The following YTHDF2 variants were observed in gnomAD, a reference collection of about 807,000 sequenced individuals.
The protein encoded by YTHDF2 is YTH N6-methyladenosine RNA binding protein F2, also known as YTH domain-containing family protein 2.
Under a neutral mutation model 50.4 loss-of-function variants are expected in YTHDF2, and 2 were observed. That is an observed-to-expected ratio of 0.04 (90% CI 0.02 to 0.12). The LOEUF (loss-of-function observed/expected upper bound fraction) is 0.12. Ranked by LOEUF, YTHDF2 falls within the 10% of genes least tolerant of loss-of-function variation. The probability of loss-of-function intolerance (pLI) is 1.00; values close to 1 mark genes in which losing one functional copy is unlikely to be tolerated. For synonymous variants in YTHDF2, 217 were observed against 255.6 expected (o/e 0.85, Z 1.44); for missense variants, 483 against 722.6 (o/e 0.67, Z 3.80).
At position 28,742,910 on chromosome 1, in the gene YTHDF2, G is replaced by A. The variant is rs771751643; in HGVS notation, c.640G>A (p.Gly214Arg). The change falls in exon 4 of 5, where the codon GGG becomes AGG. Residue 214 changes from glycine to arginine, a missense_variant. Transcript: ENST00000373812. Reference protein sequence around the residue: ...PKVVGSAVGSGSITSNIVASN... With the variant: ...PKVVGSAVGSRSITSNIVASN... ...AGTTGTAGGTTCTGCTGTTGGTAGC[G>A]GGTCCATTACTAGTAACATCGTGGC... 17 of 1,614,106 alleles carry A rather than the reference G, an allele frequency of 1.1e-5. No individual in the cohort carries two copies. Among genetic ancestry groups the A allele is most frequent in the East Asian group, 2.2e-5 (1 of 44,894 alleles).
At chr1:28,761,131 ATTTT>A (rs56876999) in intron 4 of YTHDF2, among the ~76,000 whole-genome samples, 41 of 91,412 alleles carry the variant, frequency 4.5e-4, no homozygotes, top group Non-Finnish European at 5.8e-4. Context: ...GTGTGTGTGT[ATTTT>A]TTTTTTTTTT....
intron 4 of YTHDF2, among the ~76,000 whole-genome samples, chr1:28,755,144 TGAGAG>T (rs2088018059): frequency 6.6e-6 from 1 of 152,044 alleles, no homozygotes; most frequent in Non-Finnish European, 1.5e-5. Context: ...TTAAAGATGA[TGAGAG>T]GAGCAGCAGT....
rs775578933 is a variant in YTHDF2, at chr1:28,743,312, C to G, written c.1042C>G (p.Pro348Ala). Residue 348 changes from proline to alanine, a missense_variant, in exon 4 of 5, where the codon CCA becomes GCA. Transcript: ENST00000373812. This position sits in a 1 kb window ranked among gnomAD's most constrained non-coding sequence, Gnocchi z 6.9. The part of the protein sequence containing the change: ...QLSVQQQAAQ[P>A]TRWVAPRNRG... ...TTCAGTCCAGCAACAGGCAGCTCAG[C>G]CAACCCGCTGGGTAGCACCTCGGAA... 6.2e-7 allele frequency: 1 copy of G among 1,614,040 alleles called. No homozygotes were observed. Among genetic ancestry groups the G allele is most frequent in the African/African-American group, 1.3e-5 (1 of 74,904 alleles).
intron 3 of YTHDF2, among the ~76,000 whole-genome samples, chr1:28,739,383 C>T (rs1421785187): frequency 6.7e-6 from 1 of 149,604 alleles, no homozygotes; most frequent in East Asian, 2.0e-4. Flanking sequence ...GGTGCAATCT[C>T]GGCTCACTGC....
intron 4 of YTHDF2, among the ~76,000 whole-genome samples, chr1:28,750,513 AAG>A (rs1437721829): frequency 2.0e-5 from 3 of 152,204 alleles, no homozygotes; most frequent in Admixed American, 6.5e-5. Flanking sequence ...CAAGGGATAA[AAG>A]AGGATTAGCT....
chr1:28,763,191 G>A (rs985538511), intron 4 of YTHDF2, among the ~76,000 whole-genome samples: 1 of 152,176 alleles, frequency 6.6e-6, no homozygotes, highest in Non-Finnish European at 1.5e-5. Context: ...GGTGGATAGA[G>A]ATGTCGACAT....
At chr1:28,755,454 A>T (rs2088023576) in intron 4 of YTHDF2, among the ~76,000 whole-genome samples, 2 of 152,086 alleles carry the variant, frequency 1.3e-5, no homozygotes, top group African/African-American at 2.4e-5. Flanking sequence ...CTTGTGAGGT[A>T]GGTATAAGTA....
intron 4 of YTHDF2, among the ~76,000 whole-genome samples, chr1:28,744,595 A>AT (rs2124171602): frequency 6.6e-6 from 1 of 152,322 alleles, no homozygotes; most frequent in East Asian, 1.9e-4. Context: ...CTCTGTGAGT[A>AT]TTGAGTGAAT....
intron 4 of YTHDF2, 143 bp from the exon 5 acceptor site, chr1:28,768,786 G>A (rs2088259381): frequency 1.7e-6 from 1 of 589,824 alleles, no homozygotes; most frequent in Non-Finnish European, 2.7e-6. Flanking sequence ...TTTTCTTTGT[G>A]GGGAATGTTC....
chr1:28,743,627 G>A lies in YTHDF2; in HGVS notation c.1357G>A (p.Gly453Ser), dbSNP rs1475669681. 30 of 1,614,152 alleles carry A rather than the reference G, an allele frequency of 1.9e-5. No homozygotes were observed. Among genetic ancestry groups the A allele is most frequent in the Non-Finnish European group, 2.3e-5 (27 of 1,180,018 alleles). The change falls in exon 4 of 5, where the codon GGC (glycine) becomes AGC (serine). Residue 453 changes from glycine to serine, a missense_variant. Around this residue, in one of 4 missense-constraint regions of YTHDF2, gnomAD observed 59 missense variants for 168.9 expected, o/e 0.35. Coordinates refer to ENST00000373812, the MANE Select transcript of YTHDF2 (RefSeq NM_016258.3). This position sits in a 1 kb window ranked among gnomAD's most constrained non-coding sequence, Gnocchi z 6.9. ...TGCTTATCGTTCCATGAACGGGAAA[G>A]GCCCCGTTTACTTACTTTTCAGTGT... ...DAAYRSMNGK[G>S]PVYLLFSVNG...
intron 4 of YTHDF2, among the ~76,000 whole-genome samples, chr1:28,751,109 A>AAAAAAAAAAAAAAG (rs2087945851): frequency 6.8e-6 from 1 of 146,768 alleles, no homozygotes; most frequent in Non-Finnish European, 1.5e-5. Flanking sequence ...AAAAAAAAAA[A>AAAAAAAAAAAAAAG]AGGCTGGGCG....
intron 4 of YTHDF2, among the ~76,000 whole-genome samples, chr1:28,763,783 G>T (rs146267370): frequency 2.0e-5 from 3 of 149,612 alleles, no homozygotes; most frequent in Non-Finnish European, 4.4e-5. Flanking sequence ...GATTATGGGC[G>T]TGAGCCACTG....
chr1:28,756,665 T>C (rs1416104825), intron 4 of YTHDF2, among the ~76,000 whole-genome samples: 1 of 152,026 alleles, frequency 6.6e-6, no homozygotes, highest in Non-Finnish European at 1.5e-5. Flanking sequence ...GGGAGAAGTA[T>C]GAGGATTCAG....
intron 4 of YTHDF2, among the ~76,000 whole-genome samples, chr1:28,748,444 AAAG>A (rs560257479): frequency 2.3e-3 from 357 of 152,320 alleles, no homozygotes; most frequent in African/African-American, 8.4e-3. Flanking sequence ...GTAACCCCAT[AAAG>A]AAGTAGGGAA....
intron 4 of YTHDF2, among the ~76,000 whole-genome samples, chr1:28,756,134 C>G (rs143414384): frequency 3.0e-3 from 458 of 152,310 alleles, no homozygotes; most frequent in Non-Finnish European, 3.1e-3. Flanking sequence ...CTTTCAACCT[C>G]TGTTCCAAGC....
At position 28,768,922 on chromosome 1, in the gene YTHDF2, T is replaced by G. The variant is rs777491049; in HGVS notation, c.1717-7T>G. ...TAACCATTTCAATTTTTTTCTTACC[T>G]CTGTAGGAACGTCAAGGTCGTGGGA... On this transcript the variant is annotated splice_region_variant and splice_polypyrimidine_tract_variant and intron_variant, in intron 4 of 4. Coordinates refer to ENST00000373812, the MANE Select transcript of YTHDF2 (RefSeq NM_016258.3). The G allele has an allele frequency of 1.9e-6, 3 of 1,587,730 alleles. No homozygotes were observed. The highest frequency in any genetic ancestry group is 2.6e-6 in the Non-Finnish European group (3 of 1,166,108).
intron 3 of YTHDF2, among the ~76,000 whole-genome samples, chr1:28,741,982 C>T (rs1196561759): frequency 6.6e-6 from 1 of 151,730 alleles, no homozygotes; most frequent in Admixed American, 6.6e-5. Context: ...AGTTATTACA[C>T]CAAAATTTCT....
intron 4 of YTHDF2, among the ~76,000 whole-genome samples, chr1:28,762,455 A>G (rs936887108): frequency 6.6e-6 from 1 of 152,212 alleles, no homozygotes; most frequent in Non-Finnish European, 1.5e-5. Context: ...TTATATTGTC[A>G]GCTGGGGTGC....
intron 4 of YTHDF2, among the ~76,000 whole-genome samples, chr1:28,761,750 G>C (rs989527156): frequency 1.3e-5 from 2 of 151,452 alleles, no homozygotes; most frequent in East Asian, 2.0e-4. Flanking sequence ...AGTAGAGTCA[G>C]GTTCTCAGTA....
Sources: gnomAD v4.1 joint callset for allele counts (sites outside exome capture counted in the v4.1 genomes callset) on GRCh38, gnomAD v4.1.1 for gene constraint, gnomAD v4.1.1 regional missense constraint, Gnocchi (gnomAD v3.1) non-coding constraint, MANE v1.5 for transcripts, NCBI Gene and HGNC (gene_info 2026-07-23, HGNC 2026-07-21) for gene names.